The following COL14A1 variants were observed in gnomAD, a reference collection of about 807,000 sequenced individuals.
COL14A1 encodes the protein collagen type XIV alpha 1 chain.
A neutral mutation model predicts 230.3 loss-of-function variants in COL14A1; 136 were observed. That is an observed-to-expected ratio of 0.59 (90% CI 0.51 to 0.68). The LOEUF (loss-of-function observed/expected upper bound fraction) is 0.68. COL14A1 is among the 30% of genes least tolerant of loss of function. COL14A1 has a pLI of 0.00. For missense variants in COL14A1, 1,976 were observed against 2,215.8 expected, an observed-to-expected ratio of 0.89 and a Z score of 2.17; for synonymous variants, 792 against 784.1, an observed-to-expected ratio of 1.01 and a Z score of -0.17.
chr8:120,269,812 A>G (rs1819605441), intron 25 of COL14A1, among the ~76,000 whole-genome samples: 1 of 151,708 alleles, frequency 6.6e-6, no homozygotes, highest in Admixed American at 6.6e-5. Flanking sequence ...CACACGGATA[A>G]TAGAAGCTTC....
At chr8:120,289,247 T>G (rs1586834725) in intron 33 of COL14A1, among the ~76,000 whole-genome samples, 1 of 152,186 alleles carries the variant, frequency 6.6e-6, no homozygotes, top group East Asian at 1.9e-4. Flanking sequence ...TCAACAAAGA[T>G]TTTTAATTTT....
intron 34 of COL14A1, among the ~76,000 whole-genome samples, chr8:120,294,060 T>C (rs1218277788): frequency 1.3e-5 from 2 of 151,854 alleles, no homozygotes; most frequent in Non-Finnish European, 3.0e-5. Flanking sequence ...TCCTCTGTAC[T>C]CTTTCACCAG....
At chr8:120,168,312 C>A in intron 5 of COL14A1, 65 bp downstream of exon 5, 1 of 1,164,028 alleles carries the variant, frequency 8.6e-7, no homozygotes, top group South Asian at 1.3e-5. Context: ...AGGCAATACT[C>A]ACATGTGGGG....
chr8:120,251,245 T>C (rs1202209385), intron 22 of COL14A1, among the ~76,000 whole-genome samples: 1 of 152,232 alleles, frequency 6.6e-6, no homozygotes, highest in African/African-American at 2.4e-5. Flanking sequence ...GGGATGTCAG[T>C]ACCTGGCTTT....
chr8:120,331,033 AG>A (rs1038997727), intron 40 of COL14A1, among the ~76,000 whole-genome samples: 1 of 139,896 alleles, frequency 7.1e-6, no homozygotes, highest in Admixed American at 7.8e-5. Flanking sequence ...TGAACCTGGG[AG>A]GGGGAAGTTG....
At chr8:120,346,658 A>G (rs1563750216) in intron 45 of COL14A1, among the ~76,000 whole-genome samples, 1 of 152,062 alleles carries the variant, frequency 6.6e-6, no homozygotes, top group Non-Finnish European at 1.5e-5. Context: ...TTTGTCTTCC[A>G]TACATCTTAC....
rs189098258 is a variant in COL14A1, at chr8:120,246,095, G to A, written c.2480-1518G>A. Among the ~76,000 whole-genome samples, 306 of 152,302 alleles carry A rather than the reference G, an allele frequency of 2.0e-3. 1 individual carries two copies. Among genetic ancestry groups the A allele is most frequent in the African/African-American group, 7.0e-3 (289 of 41,572 alleles). ...GGGCTGAATTATGTACCTGGGCACC[G>A]AAGTGTGGAGTTTTCAACTAAGTTT... On this transcript the variant is annotated intron_variant, in intron 20 of 47. Transcript: ENST00000297848.
At chr8:120,268,198 C>T (rs1276770659) in intron 25 of COL14A1, among the ~76,000 whole-genome samples, 2 of 151,872 alleles carry the variant, frequency 1.3e-5, no homozygotes, top group East Asian at 3.9e-4. Context: ...TCAGGGCTCC[C>T]CATACATGTC....
At chr8:120,343,574 A>T (rs1822389764) in intron 44 of COL14A1, among the ~76,000 whole-genome samples, 1 of 152,202 alleles carries the variant, frequency 6.6e-6, no homozygotes, top group African/African-American at 2.4e-5. Flanking sequence ...CAAAAACATC[A>T]GGGCAAGAGG....
At chr8:120,331,186 G>A (rs1821852033) in intron 40 of COL14A1, among the ~76,000 whole-genome samples, 1 of 151,306 alleles carries the variant, frequency 6.6e-6, no homozygotes, top group Non-Finnish European at 1.5e-5. Context: ...AAAGTGGCAA[G>A]AATGTCAGAA....
At chr8:120,171,818 A>G (rs1816100818) in intron 5 of COL14A1, among the ~76,000 whole-genome samples, 1 of 152,064 alleles carries the variant, frequency 6.6e-6, no homozygotes. Flanking sequence ...CTTTATCTCA[A>G]TTAGATTTAT....
intron 40 of COL14A1, among the ~76,000 whole-genome samples, chr8:120,331,107 C>CAAAAAAA (rs35915187): frequency 1.6e-5 from 1 of 61,348 alleles, no homozygotes; most frequent in Non-Finnish European, 3.4e-5. Flanking sequence ...CTCTGTCTCA[C>CAAAAAAA]AAAAAAAAAA....
intron 35 of COL14A1, among the ~76,000 whole-genome samples, chr8:120,298,638 T>TATACAC (rs398009611): frequency 5.9e-5 from 7 of 118,902 alleles, no homozygotes; most frequent in African/African-American, 2.3e-4. Flanking sequence ...TATATATATA[T>TATACAC]ACAAAAATAC....
chr8:120,143,470 C>A (rs1350672802), intron 1 of COL14A1, among the ~76,000 whole-genome samples: 1 of 151,928 alleles, frequency 6.6e-6, no homozygotes, highest in East Asian at 1.9e-4. Context: ...AAATATAATA[C>A]AAAACAAAAA....
chr8:120,212,330 G>C, intron 12 of COL14A1, 118 bp from the exon 13 acceptor site: 2 of 877,348 alleles, frequency 2.3e-6, no homozygotes, highest in Non-Finnish European at 3.4e-6. Flanking sequence ...GTTTGATGAA[G>C]GGGTTGTAAC....
intron 1 of COL14A1, among the ~76,000 whole-genome samples, chr8:120,133,353 G>C (rs1814607264): frequency 6.6e-6 from 1 of 150,792 alleles, no homozygotes; most frequent in Non-Finnish European, 1.5e-5. Context: ...TAATAAAAAA[G>C]AAAAGCTACA....
At chr8:120,152,318 C>A (rs1275585075) in intron 2 of COL14A1, among the ~76,000 whole-genome samples, 2 of 151,494 alleles carry the variant, frequency 1.3e-5, no homozygotes, top group Non-Finnish European at 2.9e-5. Context: ...AAAAAATTAG[C>A]CGGGCGTGGT....
chr8:120,327,183 CCT>C (rs1280846207), intron 40 of COL14A1, among the ~76,000 whole-genome samples: 1 of 152,104 alleles, frequency 6.6e-6, no homozygotes, highest in African/African-American at 2.4e-5. Flanking sequence ...CTGTTGGTGC[CCT>C]GATTGGACCC....
intron 8 of COL14A1, among the ~76,000 whole-genome samples, chr8:120,202,969 A>C (rs1158771509): frequency 7.5e-6 from 1 of 133,576 alleles, no homozygotes; most frequent in Admixed American, 7.6e-5. Flanking sequence ...GCTTAATGCT[A>C]TACAATAATA....
Sources: gnomAD v4.1 joint callset for allele counts (sites outside exome capture counted in the v4.1 genomes callset) on GRCh38, gnomAD v4.1.1 for gene constraint, MANE v1.5 for transcripts, NCBI Gene and HGNC (gene_info 2026-07-23, HGNC 2026-07-21) for gene names.